The following COL14A1 variants were observed in gnomAD, a reference collection of about 807,000 sequenced individuals.
The protein encoded by COL14A1 is collagen alpha-1(XIV) chain.
Under a neutral mutation model 230.3 loss-of-function variants are expected in COL14A1, and 136 were observed. The observed-to-expected ratio is 0.59, with a 90% CI of 0.51 to 0.68. The LOEUF is 0.68. Among genes scored for constraint, COL14A1 ranks in the 30% least tolerant of loss-of-function variants. COL14A1 has a pLI of 0.00. For missense variants in COL14A1, 1,976 were observed against 2,215.8 expected, an observed-to-expected ratio of 0.89 and a Z score of 2.17; for synonymous variants, 792 against 784.1, an observed-to-expected ratio of 1.01 and a Z score of -0.17.
chr8:120,204,300 C>T (rs941568543), intron 9 of COL14A1, among the ~76,000 whole-genome samples: 2 of 152,186 alleles, frequency 1.3e-5, no homozygotes, highest in Non-Finnish European at 2.9e-5. Flanking sequence ...AAGGATCACT[C>T]CTGTTCCCTT....
At chr8:120,308,397 A>G (rs544246095) in intron 36 of COL14A1, among the ~76,000 whole-genome samples, 13 of 152,380 alleles carry the variant, frequency 8.5e-5, no homozygotes, top group Admixed American at 3.9e-4. Context: ...ACTATGCAAC[A>G]GTTAAGAATG....
intron 1 of COL14A1, among the ~76,000 whole-genome samples, chr8:120,135,502 T>C (rs1436840247): frequency 6.6e-6 from 1 of 152,172 alleles, no homozygotes; most frequent in Non-Finnish European, 1.5e-5. Context: ...CAACCTCAGG[T>C]GATCTGCCTG....
chr8:120,213,533 T>C (rs1435924181), intron 13 of COL14A1, among the ~76,000 whole-genome samples: 1 of 152,052 alleles, frequency 6.6e-6, no homozygotes, highest in Non-Finnish European at 1.5e-5. Context: ...ACCAATGTAA[T>C]TAAAACAACA....
chr8:120,174,169 T>C (rs1198425922), intron 5 of COL14A1, among the ~76,000 whole-genome samples: 1 of 152,198 alleles, frequency 6.6e-6, no homozygotes, highest in East Asian at 1.9e-4. Context: ...TTAGTTTCCG[T>C]CTTATCCTTT....
In COL14A1 at chr8:120,225,139, A is replaced by G. The variant is rs748563649; in HGVS notation, c.1789A>G (p.Thr597Ala). Residue 597 changes from threonine to alanine, a missense_variant, in exon 15 of 48, where the codon ACA becomes GCA. Coordinates refer to ENST00000297848, the MANE Select transcript of COL14A1 (RefSeq NM_021110.4). ...CCCTCTGAAGGGCTTGACACCTCTCACAGAGTATACTATTGCTATTTTCTC... is the reference window on the plus strand; with the variant it reads ...CCCTCTGAAGGGCTTGACACCTCTCGCAGAGTATACTATTGCTATTTTCTC... ...TFPLKGLTPL[T>A]EYTIAIFSIY... The G allele has an allele frequency of 1.2e-6, 2 of 1,612,376 alleles. No homozygotes were observed. The highest frequency in any genetic ancestry group is 1.1e-5 in the South Asian group (1 of 91,022).
chr8:120,350,303 C>T (rs1045546872), intron 45 of COL14A1, among the ~76,000 whole-genome samples: 132 of 150,468 alleles, frequency 8.8e-4, no homozygotes, highest in African/African-American at 3.0e-3. Context: ...TAAAGACCAT[C>T]AAGACTAGGA....
rs1322608951 is a variant in COL14A1 at position 120,373,185 on chromosome 8, ACT to A, written c.*1958_*1959del. Reference sequence around the variant, plus strand: ...AGTTAAATACCATGTCACTCAGAAGACTCTCAAAGTTTGTGTATAAATGGCGA... The same window carrying A: ...AGTTAAATACCATGTCACTCAGAAGACTCAAAGTTTGTGTATAAATGGCGA... On this transcript the variant is annotated 3_prime_UTR_variant, in exon 48 of 48. Coordinates refer to ENST00000297848, the MANE Select transcript of COL14A1 (RefSeq NM_021110.4). Among the ~76,000 whole-genome samples the A allele has an allele frequency of 6.6e-6, 1 of 152,098 alleles. No homozygotes were observed. The highest frequency in any genetic ancestry group is 1.5e-5 in the Non-Finnish European group (1 of 68,022).
At chr8:120,338,521 TA>T (rs1339683590) in intron 42 of COL14A1, among the ~76,000 whole-genome samples, 1 of 152,216 alleles carries the variant, frequency 6.6e-6, no homozygotes, top group Non-Finnish European at 1.5e-5. Flanking sequence ...AGGGTTGTTA[TA>T]AAGAATAAAT....
chr8:120,189,730 C>A (rs1413722073), intron 5 of COL14A1, among the ~76,000 whole-genome samples: 1 of 125,574 alleles, frequency 8.0e-6, no homozygotes, highest in African/African-American at 2.7e-5. Context: ...TGAGAACATG[C>A]GGTGTTTGGT....
chr8:120,371,276 G>C lies in COL14A1; in HGVS notation c.*45G>C. The C allele has an allele frequency of 6.7e-7, 1 of 1,495,682 alleles. No homozygotes were observed. The highest frequency in any genetic ancestry group is 9.2e-7 in the Non-Finnish European group (1 of 1,084,626). The allele number at this position is 1,495,682 out of a possible 1,614,324, so 92.7% of individuals were successfully genotyped here. A position where few individuals can be genotyped will look rare whatever the true frequency, so the allele number is the denominator to read the frequency against. On this transcript the variant is annotated 3_prime_UTR_variant, in exon 48 of 48. Coordinates refer to ENST00000297848, the MANE Select transcript of COL14A1 (RefSeq NM_021110.4). ...AAGACCAACTGCAAGAACTCTTAAG[G>C]AATCTTGTTTGAGAAAATGTTGTTA...
chr8:120,176,780 A>G (rs1816296095), intron 5 of COL14A1, among the ~76,000 whole-genome samples: 1 of 152,132 alleles, frequency 6.6e-6, no homozygotes, highest in African/African-American at 2.4e-5. Flanking sequence ...GGTTTGAAGG[A>G]TACCTGGATC....
chr8:120,235,436 T>C (rs1818410983), intron 19 of COL14A1, among the ~76,000 whole-genome samples: 1 of 152,196 alleles, frequency 6.6e-6, no homozygotes, highest in African/African-American at 2.4e-5. Context: ...CCCAAAGTGC[T>C]GGGATTACAG....
rs754498546 is a variant in COL14A1 at position 120,262,839 on chromosome 8, GT to G, written c.2870-24del. On this transcript the variant is annotated intron_variant, in intron 23 of 47. Transcript: ENST00000297848. The stretch of plus-strand genomic sequence containing the variant: ...TGTTTCAAAAATTTCATATGTGTGT[GT>G]TTTTGTTTTGTTTTGTTTTTATTAT... 1.5e-5 allele frequency: 23 copies of G among 1,582,404 alleles called. 1 individual carries two copies. The South Asian group carries it at 2.2e-4, about 15-fold the overall frequency.
intron 7 of COL14A1, 116 bp from the exon 8 acceptor site, chr8:120,199,286 C>T (rs550340100): frequency 1.2e-6 from 1 of 850,040 alleles, no homozygotes; most frequent in East Asian, 3.2e-5. Context: ...TGAAGATTTG[C>T]ATGTAATAAA....
intron 40 of COL14A1, among the ~76,000 whole-genome samples, chr8:120,319,809 C>T (rs892291001): frequency 4.0e-5 from 6 of 151,614 alleles, no homozygotes; most frequent in Admixed American, 3.9e-4. Flanking sequence ...TCTTGCTAGG[C>T]AGCCAGTAGA....
intron 45 of COL14A1, among the ~76,000 whole-genome samples, chr8:120,362,234 T>C (rs184819091): frequency 9.9e-5 from 15 of 152,266 alleles, no homozygotes; most frequent in Admixed American, 9.8e-4. Flanking sequence ...GACAAGTGAG[T>C]TACCCTCTCA....
At position 120,372,229 on chromosome 8, in the gene COL14A1, A is replaced by G. The variant is rs753992079; in HGVS notation, c.*998A>G. ...CAGAAGAAGCAGTTAACTTGGGACT[A>G]AGAGATTAGCGACATTTTATTGTTC... On this transcript the variant is annotated 3_prime_UTR_variant, in exon 48 of 48. Coordinates refer to ENST00000297848, the MANE Select transcript of COL14A1 (RefSeq NM_021110.4). Among the ~76,000 whole-genome samples the G allele has an allele frequency of 1.3e-5, 2 of 152,196 alleles. No individual in the cohort carries two copies. Among genetic ancestry groups the G allele is most frequent in the African/African-American group, 2.4e-5 (1 of 41,448 alleles).
At chr8:120,300,562 C>T (rs1194745369) in intron 35 of COL14A1, among the ~76,000 whole-genome samples, 170 bp from the exon 36 acceptor site, 1 of 152,106 alleles carries the variant, frequency 6.6e-6, no homozygotes, top group African/African-American at 2.4e-5. Flanking sequence ...GGTACCCATT[C>T]ATTTTTCTTT....
intron 36 of COL14A1, among the ~76,000 whole-genome samples, chr8:120,308,014 C>T (rs1177075766): frequency 9.2e-5 from 14 of 152,202 alleles, no homozygotes; most frequent in East Asian, 1.9e-4. Flanking sequence ...CGGAGTCTCA[C>T]GCTGTCGCTT....
Sources: allele counts gnomAD v4.1 joint callset (sites outside exome capture counted in the v4.1 genomes callset), GRCh38; gene constraint gnomAD v4.1.1; transcripts MANE v1.5; gene names NCBI Gene and HGNC (gene_info 2026-07-23, HGNC 2026-07-21).